SGCZ: variants seen among roughly 807,000 people sequenced by gnomAD.
SGCZ encodes the protein zeta-sarcoglycan.
In SGCZ, 40 loss-of-function variants were observed where a neutral mutation model predicts 41.3. The observed-to-expected ratio is 0.97, with a 90% CI of 0.75 to 1.26. The LOEUF (loss-of-function observed/expected upper bound fraction) is 1.26. SGCZ is among the 50% of genes most tolerant of loss of function. SGCZ has a pLI of 0.00. For missense variants in SGCZ, 552 were observed against 369.8 expected, an observed-to-expected ratio of 1.49 and a Z score of -4.04; for synonymous variants, 206 against 137.5, an observed-to-expected ratio of 1.50 and a Z score of -3.49.
chr8:15,026,626 T>C (rs544827744), intron 1 of SGCZ, among the ~76,000 whole-genome samples: 11 of 152,308 alleles, frequency 7.2e-5, no homozygotes, highest in African/African-American at 1.7e-4. Context: ...AGGGACTCGA[T>C]TGCCAATCAG....
Position 14,697,352 on chromosome 8 carries a change from T to C in SGCZ, c.40-142426A>G, listed in dbSNP as rs1403026827. Among the ~76,000 whole-genome samples the C allele has an allele frequency of 2.6e-5, 4 of 152,036 alleles. 1 individual carries two copies. Among genetic ancestry groups the C allele is most frequent in the Non-Finnish European group, 5.9e-5 (4 of 67,946 alleles). ...TAATCATACCTATCTCATTAGATTG[T>C]TGAGGGGATTAAATGAAACAATTCA... On this transcript the variant is annotated intron_variant, in intron 1 of 7. Coordinates refer to ENST00000382080, the MANE Select transcript of SGCZ (RefSeq NM_139167.4).
chr8:14,181,664 G>T (rs984629271), intron 4 of SGCZ, among the ~76,000 whole-genome samples: 1 of 152,164 alleles, frequency 6.6e-6, no homozygotes, highest in African/African-American at 2.4e-5. Context: ...AAGATCTGAT[G>T]GTTTTATAAA....
chr8:14,431,884 T>C (rs754804946), intron 2 of SGCZ, among the ~76,000 whole-genome samples: 5 of 152,102 alleles, frequency 3.3e-5, no homozygotes, highest in Admixed American at 6.5e-5. Flanking sequence ...GAATACACAG[T>C]TCTTAAAAGA....
chr8:14,866,496 C>A (rs1803935932), intron 1 of SGCZ, among the ~76,000 whole-genome samples: 1 of 152,056 alleles, frequency 6.6e-6, no homozygotes, highest in Non-Finnish European at 1.5e-5. Flanking sequence ...TACAAAATAT[C>A]AACTCCAAAA....
At position 14,781,021 on chromosome 8, in the gene SGCZ, T is replaced by G. The variant is rs138699112; in HGVS notation, c.40-226095A>C. 2.4e-4 allele frequency among the ~76,000 whole-genome samples: 36 copies of G among 152,292 alleles called. No homozygotes were observed. In the East Asian group the frequency reaches 6.9e-3, roughly 29 times the overall value. On this transcript the variant is annotated intron_variant, in intron 1 of 7. Coordinates refer to ENST00000382080, the MANE Select transcript of SGCZ (RefSeq NM_139167.4). The stretch of plus-strand genomic sequence containing the variant: ...AATATTTAGTTTAAACTAGCAGACT[T>G]TTGTCATCATTCTATAAATATTTAG...
intron 2 of SGCZ, among the ~76,000 whole-genome samples, chr8:14,420,443 T>C (rs1799608784): frequency 6.6e-6 from 1 of 152,102 alleles, no homozygotes; most frequent in South Asian, 2.1e-4. Flanking sequence ...ATTCAGTTTT[T>C]TCTTTATTTT....
chr8:15,013,150 A>C (rs898366994), intron 1 of SGCZ, among the ~76,000 whole-genome samples: 1 of 152,274 alleles, frequency 6.6e-6, no homozygotes, highest in South Asian at 2.1e-4. Context: ...AATGGAGTAG[A>C]CTTATCTCCC....
intron 1 of SGCZ, among the ~76,000 whole-genome samples, chr8:14,863,926 GACC>G (rs1803840289): frequency 6.6e-6 from 1 of 152,108 alleles, no homozygotes; most frequent in Non-Finnish European, 1.5e-5. Flanking sequence ...TGGAAGAAAT[GACC>G]AGAACTTTGT....
At chr8:14,934,609 A>T (rs1440853654) in intron 1 of SGCZ, among the ~76,000 whole-genome samples, 3 of 151,834 alleles carry the variant, frequency 2.0e-5, no homozygotes, top group African/African-American at 2.4e-5. Flanking sequence ...ACACTTGAGG[A>T]TATATTGAGA....
At chr8:15,214,363 C>G (rs1801332183) in intron 1 of SGCZ, among the ~76,000 whole-genome samples, 1 of 152,092 alleles carries the variant, frequency 6.6e-6, no homozygotes, top group Non-Finnish European at 1.5e-5. Flanking sequence ...CAGTGTTTCA[C>G]TTTATAGGAG....
intron 1 of SGCZ, among the ~76,000 whole-genome samples, chr8:15,008,870 G>C (rs1249359422): frequency 6.6e-6 from 1 of 151,740 alleles, no homozygotes; most frequent in Non-Finnish European, 1.5e-5. Flanking sequence ...ACAATTTTAA[G>C]TCCCTGACAA....
intron 1 of SGCZ, among the ~76,000 whole-genome samples, chr8:14,603,332 A>G (rs1473260783): frequency 6.6e-6 from 1 of 152,186 alleles, no homozygotes; most frequent in Non-Finnish European, 1.5e-5. Context: ...ACAATATATC[A>G]GTTAAGTCAT....
chr8:15,020,295 A>T (rs1161606388), intron 1 of SGCZ, among the ~76,000 whole-genome samples: 1 of 152,106 alleles, frequency 6.6e-6, no homozygotes, highest in African/African-American at 2.4e-5. Flanking sequence ...AATCCCACAC[A>T]CTTTATCTCT....
chr8:14,439,949 G>A (rs1283282056), intron 2 of SGCZ, among the ~76,000 whole-genome samples: 2 of 151,408 alleles, frequency 1.3e-5, no homozygotes, highest in Non-Finnish European at 2.9e-5. Flanking sequence ...CTAATATTTG[G>A]TTCACGGACT....
intron 1 of SGCZ, chr8:14,879,089 A>C (rs895449197): frequency 1.3e-5 from 2 of 152,018 alleles, no homozygotes; most frequent in African/African-American, 4.8e-5. Context: ...CTTTGGGAGG[A>C]TGAGGTGGGA....
At chr8:14,437,415 A>G (rs1194597642) in intron 2 of SGCZ, among the ~76,000 whole-genome samples, 4 of 152,298 alleles carry the variant, frequency 2.6e-5, no homozygotes, top group Middle Eastern at 3.4e-3. Context: ...CAAACAAAAC[A>G]TCATATTGCA....
chr8:14,681,392 C>T (rs1808442443), intron 1 of SGCZ, among the ~76,000 whole-genome samples: 1 of 152,080 alleles, frequency 6.6e-6, no homozygotes, highest in Admixed American at 6.5e-5. Context: ...AACTATTTTA[C>T]TAAAAAATAG....
At chr8:14,734,920 T>C (rs921139768) in intron 1 of SGCZ, among the ~76,000 whole-genome samples, 1 of 152,180 alleles carries the variant, frequency 6.6e-6, no homozygotes, top group East Asian at 1.9e-4. Context: ...TAACATGGTA[T>C]GGGAATGGGT....
At chr8:14,515,040 T>G (rs1016196067) in intron 2 of SGCZ, among the ~76,000 whole-genome samples, 1 of 152,096 alleles carries the variant, frequency 6.6e-6, no homozygotes, top group South Asian at 2.1e-4. Context: ...CCTGCAACCA[T>G]AAACATAGTA....
Sources: gnomAD v4.1 joint callset for allele counts (sites outside exome capture counted in the v4.1 genomes callset) on GRCh38, gnomAD v4.1.1 for gene constraint, MANE v1.5 for transcripts, NCBI Gene and HGNC (gene_info 2026-07-23, HGNC 2026-07-21) for gene names.